The following ZC3H12B variants were observed in gnomAD, a reference collection of about 807,000 sequenced individuals.
The protein encoded by ZC3H12B is zinc finger CCCH-type containing 12B.
In ZC3H12B, 7 loss-of-function variants were observed where a neutral mutation model predicts 43.9. The observed-to-expected ratio is 0.16, with a 90% CI of 0.09 to 0.30. ZC3H12B has a LOEUF of 0.30. ZC3H12B is among the 10% of genes least tolerant of loss of function. The pLI is 1.00. For synonymous variants in ZC3H12B, 222 were observed against 241.7 expected (o/e 0.92, Z 0.76); for missense variants, 475 against 670.2 (o/e 0.71, Z 3.22).
At chrX:65,427,139 C>A (rs1158067586) in intron 3 of ZC3H12B, among the ~76,000 whole-genome samples, 1 of 111,444 alleles carries the variant, frequency 9.0e-6, no homozygotes, top group African/African-American at 3.3e-5. Flanking sequence ...TGAATGTATG[C>A]TCCATATTGG....
chrX:65,382,100 T>C (rs1335629225), intron 2 of ZC3H12B, among the ~76,000 whole-genome samples: 1 of 111,900 alleles, frequency 8.9e-6, no homozygotes, highest in African/African-American at 3.3e-5. Context: ...TAATTCGTTT[T>C]ATGAGGCCAG....
At chrX:65,252,835 A>G in the ZC3H12B span, among the ~76,000 whole-genome samples, 1 of 112,140 alleles carries the variant, frequency 8.9e-6, no homozygotes, top group Non-Finnish European at 1.9e-5. Context: ...ATGATCATTT[A>G]CATAAATTCC....
At chrX:65,473,570 C>T (rs979661853) in intron 3 of ZC3H12B, among the ~76,000 whole-genome samples, 2 of 111,759 alleles carry the variant, frequency 1.8e-5, no homozygotes, top group African/African-American at 6.5e-5. Flanking sequence ...TCATTTGTGT[C>T]TTATTTAATT....
At chrX:65,381,390 G>A (rs993464263) in intron 2 of ZC3H12B, among the ~76,000 whole-genome samples, 1 of 111,489 alleles carries the variant, frequency 9.0e-6, no homozygotes, top group African/African-American at 3.3e-5. Flanking sequence ...AAATAAAGAT[G>A]TTCTTTGAAA....
intron 3 of ZC3H12B, among the ~76,000 whole-genome samples, chrX:65,459,606 C>G (rs1346024151): frequency 1.8e-5 from 2 of 111,804 alleles, no homozygotes; most frequent in Non-Finnish European, 3.8e-5. Flanking sequence ...ATGACAAAAA[C>G]CACATGATTA....
the ZC3H12B span, among the ~76,000 whole-genome samples, chrX:65,090,211 G>A: frequency 8.9e-6 from 1 of 111,843 alleles, no homozygotes; most frequent in Admixed American, 9.5e-5. Flanking sequence ...GTGCTACATT[G>A]TTGCAGTGAC....
the ZC3H12B span, among the ~76,000 whole-genome samples, chrX:65,278,165 A>G: frequency 1.8e-5 from 2 of 111,938 alleles, no homozygotes; most frequent in Admixed American, 9.5e-5. Flanking sequence ...ATGCCAATAA[A>G]TTTGAAAAAC....
chrX:65,498,141 GC>G (rs886513345), intron 2 of ZC3H12B, among the ~76,000 whole-genome samples: 8 of 111,633 alleles, frequency 7.2e-5, no homozygotes, highest in African/African-American at 2.6e-4. Context: ...CTGGGCTCAA[GC>G]TATCTGCCCG....
At chrX:65,310,147 C>G in the ZC3H12B span, among the ~76,000 whole-genome samples, 4 of 111,466 alleles carry the variant, frequency 3.6e-5, no homozygotes, top group Admixed American at 3.8e-4. Context: ...AAGTTCGGGC[C>G]AGGGCAATCA....
At chrX:65,093,603 A>G in the ZC3H12B span, among the ~76,000 whole-genome samples, 2 of 112,125 alleles carry the variant, frequency 1.8e-5, no homozygotes, top group Admixed American at 9.4e-5. Context: ...TTAAAATTTA[A>G]TGACTGCCCT....
the ZC3H12B span, chrX:65,186,354 T>C: frequency 9.2e-6 from 1 of 108,538 alleles, no homozygotes; most frequent in Non-Finnish European, 1.9e-5. Flanking sequence ...TAGTCGGGCA[T>C]GGTGGAGGGC....
the ZC3H12B span, among the ~76,000 whole-genome samples, chrX:65,127,533 C>T: frequency 6.3e-5 from 7 of 110,927 alleles, no homozygotes; most frequent in African/African-American, 2.0e-4. Flanking sequence ...GCCCTAGGGA[C>T]ACCTGGTTAA....
the ZC3H12B span, among the ~76,000 whole-genome samples, chrX:65,093,061 A>T: frequency 8.9e-6 from 1 of 111,979 alleles, no homozygotes; most frequent in East Asian, 2.8e-4. Flanking sequence ...CAGAAGCTCT[A>T]GCTCCAGCTG....
the ZC3H12B span, among the ~76,000 whole-genome samples, chrX:65,138,605 G>A: frequency 1.8e-5 from 2 of 111,751 alleles, no homozygotes; most frequent in African/African-American, 6.5e-5. Context: ...CATATACCCA[G>A]CAGTAGGATT....
the ZC3H12B span, among the ~76,000 whole-genome samples, chrX:65,123,395 G>A: frequency 1.8e-5 from 2 of 111,098 alleles, no homozygotes; most frequent in African/African-American, 6.5e-5. Flanking sequence ...CTCTTTTTGT[G>A]TGTGTGTGTC....
the ZC3H12B span, among the ~76,000 whole-genome samples, chrX:65,211,956 T>C: frequency 3.1e-4 from 22 of 71,606 alleles, no homozygotes; most frequent in African/African-American, 8.9e-4. Context: ...CTATATAATA[T>C]ATAATATATG....
At chrX:65,453,736 C>A (rs1212307597) in intron 3 of ZC3H12B, among the ~76,000 whole-genome samples, 7 of 109,491 alleles carry the variant, frequency 6.4e-5, no homozygotes, top group South Asian at 4.0e-4. Context: ...CACACACACA[C>A]AAAAAGGAAT....
chrX:65,454,558 G>A lies in ZC3H12B; in HGVS notation n.408-34088G>A, dbSNP rs938985867. 2.7e-5 allele frequency among the ~76,000 whole-genome samples: 3 copies of A among 112,173 alleles called. No individual in the cohort carries two copies. The Admixed American group carries it at 2.8e-4, about 11-fold the overall frequency. On this transcript the variant is annotated intron_variant and non_coding_transcript_variant, in intron 3 of 5. Coordinates refer to the ZC3H12B transcript ENST00000617377. ...TGTAGACTCCACCTCTGGGGGCAGGGCATAGCCAAATAAAAGGCAGCAGAA... is the reference window on the plus strand; with the variant it reads ...TGTAGACTCCACCTCTGGGGGCAGGACATAGCCAAATAAAAGGCAGCAGAA...
the ZC3H12B span, among the ~76,000 whole-genome samples, chrX:65,083,070 A>G: frequency 2.7e-5 from 3 of 111,478 alleles, no homozygotes; most frequent in Non-Finnish European, 5.7e-5. Flanking sequence ...TCACTTCATG[A>G]TAGGAACCTG....
Sources: gnomAD v4.1 joint callset for allele counts (sites outside exome capture counted in the v4.1 genomes callset) on GRCh38, gnomAD v4.1.1 for gene constraint, MANE v1.5 for transcripts, NCBI Gene and HGNC (gene_info 2026-07-23, HGNC 2026-07-21) for gene names.